The following RBM19 variants were observed in gnomAD, a reference collection of about 807,000 sequenced individuals.
RBM19 encodes RNA binding motif protein 19.
A neutral mutation model predicts 116.8 loss-of-function variants in RBM19; 94 were observed. That is an observed-to-expected ratio of 0.80 (90% CI 0.68 to 0.95). The LOEUF (loss-of-function observed/expected upper bound fraction) is 0.95, where lower values mean the gene tolerates loss of function less well. Among genes scored for constraint, RBM19 ranks in the 40% least tolerant of loss-of-function variants. The pLI is 0.00. For synonymous variants in RBM19, 475 were observed against 494.1 expected (o/e 0.96, Z 0.51); for missense variants, 1,161 against 1,220.7 (o/e 0.95, Z 0.73).
At chr12:113,870,346 C>T (rs1879125994) in intron 21 of RBM19, among the ~76,000 whole-genome samples, 1 of 152,184 alleles carries the variant, frequency 6.6e-6, no homozygotes, top group African/African-American at 2.4e-5. Flanking sequence ...TGCCACGTCT[C>T]CTACAGACAC....
intron 21 of RBM19, among the ~76,000 whole-genome samples, chr12:113,874,586 C>CTT (rs1879525896): frequency 6.6e-6 from 1 of 152,240 alleles, no homozygotes; most frequent in Non-Finnish European, 1.5e-5. Flanking sequence ...GTGCCCCACC[C>CTT]TGGGGACAGT....
At chr12:113,880,859 A>G (rs895201493) in intron 21 of RBM19, among the ~76,000 whole-genome samples, 3 of 152,158 alleles carry the variant, frequency 2.0e-5, no homozygotes, top group Admixed American at 6.5e-5. Context: ...TGACCCTCTC[A>G]TGTGCTCAAT....
intron 22 of RBM19, among the ~76,000 whole-genome samples, chr12:113,849,239 G>A (rs1375804943): frequency 6.6e-6 from 1 of 152,202 alleles, no homozygotes; most frequent in Non-Finnish European, 1.5e-5. Flanking sequence ...ACTCAATCTT[G>A]AACCCTGGAG....
intron 21 of RBM19, among the ~76,000 whole-genome samples, chr12:113,863,001 G>A (rs1384440181): frequency 6.6e-6 from 1 of 152,036 alleles, no homozygotes; most frequent in Non-Finnish European, 1.5e-5. Flanking sequence ...TGGTGGGTTT[G>A]TGGGTTTTCC....
downstream of RBM19, among the ~76,000 whole-genome samples, chr12:113,821,759 A>G (rs534856553): frequency 6.6e-6 from 1 of 152,296 alleles, no homozygotes; most frequent in Admixed American, 6.5e-5. Context: ...AATTAAAAAT[A>G]AACGGCTGGG....
At chr12:113,932,106 T>C (rs1394987217) in intron 16 of RBM19, among the ~76,000 whole-genome samples, 4 of 151,964 alleles carry the variant, frequency 2.6e-5, no homozygotes, top group Admixed American at 2.6e-4. Flanking sequence ...AGAAGAGCTG[T>C]GAGGTCTTAG....
rs1233680359 is a variant in RBM19, at chr12:113,966,203, G to A, written c.25C>T (p.Leu9Phe). ...GCCTCTGCACTCACCCCATTCGGGAGATTCTTCACGATCAGTCGCGACATG... is the reference window on the plus strand; with the variant it reads ...GCCTCTGCACTCACCCCATTCGGGAAATTCTTCACGATCAGTCGCGACATG... MSRLIVKNLPNGMKEERFR... is the reference protein window; with the variant it reads MSRLIVKNFPNGMKEERFR... Residue 9 changes from leucine to phenylalanine, a missense_variant, in exon 1 of 24, where the codon CTC becomes TTC. Coordinates refer to ENST00000261741, the MANE Select transcript of RBM19 (RefSeq NM_016196.4). The A allele has an allele frequency of 1.2e-6, 2 of 1,614,270 alleles. No homozygotes were observed. Among genetic ancestry groups the A allele is most frequent in the Non-Finnish European group, 1.7e-6 (2 of 1,180,046 alleles).
chr12:113,949,413 G>A (rs778761918), intron 9 of RBM19, among the ~76,000 whole-genome samples: 6 of 152,278 alleles, frequency 3.9e-5, no homozygotes, highest in South Asian at 2.1e-4. Context: ...TTATTTGCAC[G>A]CATAGCCCCT....
chr12:113,884,113 A>AAAAAAAAAAC (rs1251869316), intron 21 of RBM19, among the ~76,000 whole-genome samples: 1 of 116,452 alleles, frequency 8.6e-6, no homozygotes, highest in Non-Finnish European at 1.8e-5. Flanking sequence ...CATCTCTACC[A>AAAAAAAAAAC]AAAAAAAAAA....
intron 23 of RBM19, among the ~76,000 whole-genome samples, chr12:113,843,056 C>A (rs1197360962): frequency 6.6e-6 from 1 of 152,208 alleles, no homozygotes; most frequent in Non-Finnish European, 1.5e-5. Flanking sequence ...GGGATGCAGT[C>A]CTGCTGCATT....
chr12:113,883,276 C>A (rs1388444140), intron 21 of RBM19, among the ~76,000 whole-genome samples: 1 of 152,214 alleles, frequency 6.6e-6, no homozygotes, highest in Admixed American at 6.5e-5. Context: ...GACAACGCAG[C>A]CTGGGCTGGG....
intron 17 of RBM19, among the ~76,000 whole-genome samples, chr12:113,925,046 C>T (rs1245811171): frequency 6.6e-6 from 1 of 152,164 alleles, no homozygotes; most frequent in Non-Finnish European, 1.5e-5. Context: ...GCCTAAGTTC[C>T]GAAGCATGGG....
chr12:113,830,237 G>A (rs945281587), intron 23 of RBM19, among the ~76,000 whole-genome samples: 3 of 152,172 alleles, frequency 2.0e-5, no homozygotes, highest in Non-Finnish European at 4.4e-5. Context: ...CCTTTTCAAA[G>A]GCCATTGGTT....
intron 21 of RBM19, among the ~76,000 whole-genome samples, chr12:113,913,940 T>C (rs1438138275): frequency 6.6e-6 from 1 of 152,234 alleles, no homozygotes; most frequent in Non-Finnish European, 1.5e-5. Flanking sequence ...GGTCTCTCTA[T>C]TACCCTGCCC....
At chr12:113,931,706 C>A (rs537461173) in intron 16 of RBM19, among the ~76,000 whole-genome samples, 67 of 152,284 alleles carry the variant, frequency 4.4e-4, no homozygotes, top group African/African-American at 1.6e-3. Flanking sequence ...TACCACAGGG[C>A]CTTTGCACCT....
At chr12:113,821,339 G>C (rs1188651100), downstream of RBM19, among the ~76,000 whole-genome samples, 1 of 152,198 alleles carries the variant, frequency 6.6e-6, no homozygotes, top group Non-Finnish European at 1.5e-5. Context: ...AGCCATCCCT[G>C]CTGGCTCTGG....
At chr12:113,956,651 C>CAGGG (rs1248903818) in intron 6 of RBM19, among the ~76,000 whole-genome samples, 2 of 150,006 alleles carry the variant, frequency 1.3e-5, no homozygotes, top group Non-Finnish European at 2.9e-5. Context: ...AAGGAGGGAA[C>CAGGG]AGGGACCTGG....
chr12:113,907,471 G>A (rs1882140985), intron 21 of RBM19, among the ~76,000 whole-genome samples: 1 of 152,122 alleles, frequency 6.6e-6, no homozygotes, highest in African/African-American at 2.4e-5. Context: ...GCACACTGAA[G>A]GAATGAAAGC....
intron 21 of RBM19, among the ~76,000 whole-genome samples, chr12:113,860,103 C>A (rs1878245229): frequency 6.6e-6 from 1 of 152,256 alleles, no homozygotes; most frequent in Non-Finnish European, 1.5e-5. Flanking sequence ...GCTCCCCCCT[C>A]CTGGTGCCTC....
Sources: gnomAD v4.1 joint callset for allele counts (sites outside exome capture counted in the v4.1 genomes callset) on GRCh38, gnomAD v4.1.1 for gene constraint, MANE v1.5 for transcripts, NCBI Gene and HGNC (gene_info 2026-07-23, HGNC 2026-07-21) for gene names.